ABCC1: variants seen among roughly 807,000 people sequenced by gnomAD.
ABCC1 encodes the protein ATP binding cassette subfamily C member 1 (ABCC1 blood group).
ABCC1 carries 83 observed loss-of-function variants against 172.9 expected under a neutral mutation model. That is an observed-to-expected ratio of 0.48 (90% CI 0.40 to 0.58). The LOEUF is 0.58. ABCC1 is among the 20% of genes least tolerant of loss of function. The pLI is 0.00. For missense variants in ABCC1, 1,817 were observed against 2,002.7 expected, an observed-to-expected ratio of 0.91 and a Z score of 1.77; for synonymous variants, 937 against 825.2, an observed-to-expected ratio of 1.14 and a Z score of -2.32.
intron 7 of ABCC1, 73 bp downstream of exon 7, chr16:16,036,676 A>T (rs904993146): frequency 6.6e-7 from 1 of 1,508,142 alleles, no homozygotes; most frequent in Non-Finnish European, 9.1e-7. Flanking sequence ...TCAATCCAGG[A>T]TGGGGCCCTG....
intron 7 of ABCC1, 38 bp downstream of exon 7, chr16:16,036,641 T>C (rs1357384508): frequency 1.9e-6 from 3 of 1,604,956 alleles, no homozygotes; most frequent in Non-Finnish European, 2.6e-6. Flanking sequence ...GATGCCCTGG[T>C]CACCTCCTTT....
intron 24 of ABCC1, among the ~76,000 whole-genome samples, chr16:16,124,337 G>GTGTGTGTGTGTGTGTGTGTGTGTGTGTA (rs150885815): frequency 5.0e-4 from 62 of 122,882 alleles, no homozygotes; most frequent in African/African-American, 1.9e-3. Flanking sequence ...GTGTGTGTGT[G>GTGTGTGTGTGTGTGTGTGTGTGTGTGTA]TGTGTGTGTG....
In ABCC1 at chr16:16,114,793, C is replaced by T. The variant is rs1218360270; in HGVS notation, c.3107C>T (p.Ala1036Val). Residue 1036 changes from alanine (A) to valine (V), a missense_variant, in exon 23 of 31, where the codon GCC becomes GTC. Physicochemically the swap from Ala to Val is moderately conservative, Grantham distance 64. Transcript: ENST00000399410. The part of the protein sequence containing the change: ...QGIAVFGYSM[A>V]VSIGGILASR... ...ATCGCCGTGTTTGGCTACTCCATGG[C>T]CGTGTCCATCGGGGGGATCTTGGCT... is the stretch of plus-strand genomic sequence containing the variant. The T allele has an allele frequency of 1.2e-6, 2 of 1,605,590 alleles. No homozygotes were observed. Among genetic ancestry groups the T allele is most frequent in the Admixed American group, 3.3e-5 (2 of 59,872 alleles).
intron 8 of ABCC1, among the ~76,000 whole-genome samples, chr16:16,045,395 C>CAA (rs34870561): frequency 0.086 from 5,527 of 63,930 alleles, 325 homozygotes; most frequent in Middle Eastern, 0.15. Context: ...GACTTTGTCT[C>CAA]AAAAAAAAAA....
At chr16:16,132,246 G>A (rs1203160803) in intron 27 of ABCC1, among the ~76,000 whole-genome samples, 1 of 152,098 alleles carries the variant, frequency 6.6e-6, no homozygotes, top group Non-Finnish European at 1.5e-5. Context: ...CTAGAGTGCA[G>A]TGGTGTGATC....
rs963789580 is a variant in ABCC1, at chr16:16,100,364, CG to C, written c.2645-2256del. 7.3e-3 allele frequency among the ~76,000 whole-genome samples: 28 copies of C among 3,810 alleles called. No individual in the cohort carries two copies. In the East Asian group the frequency reaches 0.21, roughly 29 times the overall value. 2.5% of individuals were successfully genotyped at this position (3,810 alleles called of 152,430 possible). On this transcript the variant is annotated intron_variant, in intron 19 of 30. Transcript: ENST00000399410. Reference sequence around the variant, plus strand: ...TGGCCTGAGGCTGCTGGTAGGAGAGCGGGGGGGCTCTCTGCGGCATGCAGCC... The same window carrying C: ...TGGCCTGAGGCTGCTGGTAGGAGAGCGGGGGGCTCTCTGCGGCATGCAGCC...
chr16:15,981,829 C>T (rs930306558), intron 1 of ABCC1, among the ~76,000 whole-genome samples: 1 of 152,156 alleles, frequency 6.6e-6, no homozygotes, highest in Non-Finnish European at 1.5e-5. Context: ...CACATCATCA[C>T]CCTTCCAATG....
chr16:16,052,618 A>G, intron 10 of ABCC1, 106 bp from the exon 11 acceptor site: 1 of 1,042,888 alleles, frequency 9.6e-7, no homozygotes, highest in South Asian at 1.4e-5. Context: ...CCTTGCCCTG[A>G]ACTTGGTCAG....
rs71134499 is a variant in ABCC1 at position 16,006,847 on chromosome 16, T to TGGTGGCGGTGGCGGTGGC, written c.49-952_49-935dup. On this transcript the variant is annotated intron_variant, in intron 1 of 30. Transcript: ENST00000399410. ...ACTGCAGTTTGGTTGTTATCCGTGGTGGTGGCGGTGGCGGTGGCGGTGGCG... is the reference window on the plus strand; with the variant it reads ...ACTGCAGTTTGGTTGTTATCCGTGGTGGTGGCGGTGGCGGTGGCGGTGGCGGTGGCGGTGGCGGTGGCG... Among the ~76,000 whole-genome samples the TGGTGGCGGTGGCGGTGGC allele has an allele frequency of 2.6e-4, 23 of 89,692 alleles. No individual in the cohort carries two copies. In the East Asian group the frequency reaches 6.0e-3, roughly 23 times the overall value. 58.8% of individuals were successfully genotyped at this position (89,692 alleles called of 152,430 possible).
At chr16:16,124,518 G>A (rs2045350157) in intron 24 of ABCC1, among the ~76,000 whole-genome samples, 1 of 152,148 alleles carries the variant, frequency 6.6e-6, no homozygotes, top group Non-Finnish European at 1.5e-5. Flanking sequence ...GCAAGCTTCA[G>A]ATTCCAGGGA....
intron 21 of ABCC1, among the ~76,000 whole-genome samples, chr16:16,107,237 C>T (rs868282661): frequency 1.3e-5 from 2 of 152,042 alleles, no homozygotes; most frequent in East Asian, 1.9e-4. Flanking sequence ...AGATGGTGTC[C>T]GGTTGTGCAC....
intron 14 of ABCC1, among the ~76,000 whole-genome samples, chr16:16,073,052 A>AT (rs199541643): frequency 0.41 from 56,464 of 136,984 alleles, 11,456 homozygotes; most frequent in Non-Finnish European, 0.48. Flanking sequence ...AAAAAAAAAA[A>AT]AAAAATAATA....
intron 3 of ABCC1, among the ~76,000 whole-genome samples, chr16:16,011,648 C>T (rs1179571997): frequency 6.6e-6 from 1 of 151,882 alleles, no homozygotes; most frequent in African/African-American, 2.4e-5. Context: ...TGCCCATCTA[C>T]ATTTATTTTT....
chr16:16,104,211 G>C (rs1370380734), intron 20 of ABCC1, among the ~76,000 whole-genome samples: 2 of 152,144 alleles, frequency 1.3e-5, no homozygotes, highest in African/African-American at 4.8e-5. Context: ...CCACAGTTTG[G>C]AAGGGTACCC....
chr16:16,043,249 G>C (rs977865326), intron 7 of ABCC1, among the ~76,000 whole-genome samples: 24 of 93,456 alleles, frequency 2.6e-4, no homozygotes, highest in African/African-American at 1.2e-3. Flanking sequence ...TTTTTCCACT[G>C]ATGTATATAT....
chr16:15,966,383 G>A (rs1369309833), intron 1 of ABCC1, among the ~76,000 whole-genome samples: 2 of 148,176 alleles, frequency 1.3e-5, no homozygotes, highest in South Asian at 4.4e-4. Flanking sequence ...CTGCACTCCA[G>A]CCTGGGTGAC....
chr16:15,961,771 C>CTTTTT (rs4148334), intron 1 of ABCC1, among the ~76,000 whole-genome samples: 1 of 129,218 alleles, frequency 7.7e-6, no homozygotes, highest in Non-Finnish European at 1.7e-5. Context: ...ATCAAATCAA[C>CTTTTT]TTTTTTTTTT....
At chr16:16,037,340 C>G (rs2048795547) in intron 7 of ABCC1, among the ~76,000 whole-genome samples, 1 of 152,188 alleles carries the variant, frequency 6.6e-6, no homozygotes, top group South Asian at 2.1e-4. Flanking sequence ...ATTTTAGGCT[C>G]TACCCCCTAT....
chr16:16,017,002 C>G (rs1199642575), intron 5 of ABCC1, among the ~76,000 whole-genome samples: 2 of 152,134 alleles, frequency 1.3e-5, no homozygotes, highest in Non-Finnish European at 2.9e-5. Context: ...CAGGGCAGAG[C>G]TGAGGAGTTG....
Sources: gnomAD v4.1 joint callset for allele counts (sites outside exome capture counted in the v4.1 genomes callset) on GRCh38, gnomAD v4.1.1 for gene constraint, MANE v1.5 for transcripts, NCBI Gene and HGNC (gene_info 2026-07-23, HGNC 2026-07-21) for gene names.